Variants in COL6A5 observed in about 807,000 individuals in gnomAD.
COL6A5 encodes the protein collagen type VI alpha 5 chain.
Under a neutral mutation model 65.6 loss-of-function variants are expected in COL6A5, and 48 were observed. The ratio of observed to expected loss-of-function variants is 0.73; its 90% CI spans 0.58 to 0.93. The LOEUF is 0.93. Ranked by LOEUF, COL6A5 falls within the 40% of genes least tolerant of loss-of-function variation. The pLI is 0.00. For synonymous variants in COL6A5, 291 were observed against 322.8 expected (o/e 0.90, Z 1.05); for missense variants, 914 against 928.3 (o/e 0.98, Z 0.20).
At chr3:130,409,269 A>C in intron 17 of COL6A5, 57 bp from the exon 18 acceptor site, 2 of 1,371,040 alleles carry the variant, frequency 1.5e-6, no homozygotes, top group Non-Finnish European at 2.0e-6. Context: ...TTCACACTTA[A>C]CACCATTATA....
intron 1 of COL6A5, among the ~76,000 whole-genome samples, chr3:130,371,822 A>G (rs560731294): frequency 1.3e-5 from 2 of 150,470 alleles, no homozygotes; most frequent in East Asian, 1.9e-4. Flanking sequence ...AAAACCTCAT[A>G]TAAATTGGAC....
rs192139158 is a variant in COL6A5 at position 130,359,117 on chromosome 3, T to A, written c.-29+13136T>A. 2.0e-4 allele frequency among the ~76,000 whole-genome samples: 30 copies of A among 152,268 alleles called. No homozygotes were observed. The East Asian group carries it at 5.8e-3, about 29-fold the overall frequency. On this transcript the variant is annotated intron_variant and NMD_transcript_variant, in intron 1 of 41. Coordinates refer to the COL6A5 transcript ENST00000312481. The stretch of plus-strand genomic sequence containing the variant: ...GTGACAATTTTTAAGGACTTTCAAA[T>A]GGTTAAATACATATAGAAATAGATT...
chr3:130,418,694 G>A (rs980894750), intron 24 of COL6A5, among the ~76,000 whole-genome samples, 175 bp from the exon 25 acceptor site: 1 of 152,056 alleles, frequency 6.6e-6, no homozygotes, highest in Non-Finnish European at 1.5e-5. Context: ...GGCTGTGCTA[G>A]ACATCTTCTG....
At chr3:130,400,472 C>T (rs950839154) in intron 10 of COL6A5, among the ~76,000 whole-genome samples, 5 of 152,150 alleles carry the variant, frequency 3.3e-5, no homozygotes, top group African/African-American at 9.7e-5. Flanking sequence ...AGTCAATGAA[C>T]TAGTAAATGA....
intron 25 of COL6A5, among the ~76,000 whole-genome samples, chr3:130,420,075 A>T (rs1937481306): frequency 6.6e-6 from 1 of 152,042 alleles, no homozygotes; most frequent in Admixed American, 6.6e-5. Context: ...AGAATGGTCC[A>T]GCAAGTCTTA....
intron 12 of COL6A5, 35 bp from the exon 13 acceptor site, chr3:130,403,574 G>A (rs1324667650): frequency 9.1e-6 from 13 of 1,423,586 alleles, no homozygotes; most frequent in Non-Finnish European, 1.3e-5. Flanking sequence ...TTGGGGGGGG[G>A]TGACTAAAAT....
At chr3:130,438,813 TAA>T (rs1167780949) in intron 1 of COL6A5, among the ~76,000 whole-genome samples, 1 of 152,148 alleles carries the variant, frequency 6.6e-6, no homozygotes, top group Non-Finnish European at 1.5e-5. Context: ...AAATGCCCAA[TAA>T]AGAGTTATTG....
At chr3:130,455,540 G>C in exon 5 of COL6A5, 1 of 1,612,814 alleles carries the variant, frequency 6.2e-7, no homozygotes, top group Non-Finnish European at 8.5e-7. Context: ...ATCACCTTTT[G>C]TAAAGACGGA....
At chr3:130,452,099 G>A (rs922722695) in intron 4 of COL6A5, among the ~76,000 whole-genome samples, 1 of 152,114 alleles carries the variant, frequency 6.6e-6, no homozygotes, top group African/African-American at 2.4e-5. Flanking sequence ...GTTTTAACAG[G>A]AGTTTAATAT....
intron 7 of COL6A5, among the ~76,000 whole-genome samples, chr3:130,477,928 T>G (rs368293020): frequency 6.6e-6 from 1 of 152,108 alleles, no homozygotes; most frequent in Non-Finnish European, 1.5e-5. Flanking sequence ...ATCAAACCAA[T>G]TTGGCCACAG....
chr3:130,359,832 C>A (rs1935050131), intron 1 of COL6A5, among the ~76,000 whole-genome samples: 1 of 152,006 alleles, frequency 6.6e-6, no homozygotes, highest in Non-Finnish European at 1.5e-5. Flanking sequence ...CTTACTTTTT[C>A]TTTACAGAAA....
At chr3:130,362,326 A>ATATATATAT (rs1935166422) in intron 1 of COL6A5, among the ~76,000 whole-genome samples, 1 of 4,670 alleles carries the variant, frequency 2.1e-4, no homozygotes, top group African/African-American at 4.8e-4. Flanking sequence ...ATATATATAT[A>ATATATATAT]TTTTTTTTTT....
chr3:130,405,650 G>A (rs866298922), exon 14 of COL6A5: 1 of 1,548,932 alleles, frequency 6.5e-7, no homozygotes, highest in Non-Finnish European at 8.7e-7. Context: ...CAGGGGCGTG[G>A]GGTCAGAAGG....
chr3:130,401,368 C>T, intron 11 of COL6A5, among the ~76,000 whole-genome samples, 195 bp downstream of exon 11: 1 of 152,306 alleles, frequency 6.6e-6, no homozygotes, highest in African/African-American at 2.4e-5. Flanking sequence ...TGTCATCTCA[C>T]TAAATGAATG....
chr3:130,443,555 T>C (rs540007123), exon 4 of COL6A5: 2 of 1,603,490 alleles, frequency 1.2e-6, no homozygotes, highest in East Asian at 2.2e-5. Context: ...ATATTCAAAA[T>C]GATGGTTTCC....
rs779388885 is a variant in COL6A5 at position 130,440,146 on chromosome 3, G to A, written c.582-20G>A. ...TGGGTCAGTGTTGAACCAATGATGT[G>A]TCTCTCTGTGTGTTTTCAGATAAAT... On this transcript the variant is annotated intron_variant, in intron 2 of 7. Coordinates refer to ENST00000512836, the Ensembl canonical transcript of COL6A5. The A allele has an allele frequency of 6.3e-6, 10 of 1,590,634 alleles. No homozygotes were observed. The highest frequency in any genetic ancestry group is 3.4e-6 in the Non-Finnish European group (4 of 1,167,096).
At chr3:130,482,693 C>A (rs1710281446) in intron 7 of COL6A5, among the ~76,000 whole-genome samples, 1 of 152,062 alleles carries the variant, frequency 6.6e-6, no homozygotes, top group South Asian at 2.1e-4. Context: ...AATGTTTTTC[C>A]ATTTATTTGT....
intron 1 of COL6A5, among the ~76,000 whole-genome samples, chr3:130,354,771 G>C (rs1024455579): frequency 2.0e-5 from 3 of 152,134 alleles, no homozygotes; most frequent in Admixed American, 2.0e-4. Context: ...AAGGCCATGG[G>C]CTAAGGACCT....
chr3:130,455,429 T>C, intron 4 of COL6A5, 26 bp from the exon 37 acceptor site: 1 of 1,445,784 alleles, frequency 6.9e-7, no homozygotes, highest in South Asian at 1.2e-5. Context: ...TTATCTAGAC[T>C]CACCTAAAGT....
Sources: allele counts gnomAD v4.1 joint callset (sites outside exome capture counted in the v4.1 genomes callset), GRCh38; gene constraint gnomAD v4.1.1; transcripts MANE v1.5; gene names NCBI Gene and HGNC (gene_info 2026-07-23, HGNC 2026-07-21).